DLGAP1: variants seen among roughly 807,000 people sequenced by gnomAD.
DLGAP1 encodes the protein DLG associated protein 1, also known as disks large-associated protein 1.
A neutral mutation model predicts 90.8 loss-of-function variants in DLGAP1; 11 were observed. The observed-to-expected ratio is 0.12, with a 90% confidence interval of 0.08 to 0.20. The LOEUF (loss-of-function observed/expected upper bound fraction) is 0.20, where lower values mean the gene tolerates loss of function less well. Ranked by LOEUF, DLGAP1 falls within the 10% of genes least tolerant of loss-of-function variation. The pLI is 1.00. For synonymous variants in DLGAP1, 558 were observed against 540.7 expected (o/e 1.03, Z -0.44); for missense variants, 1,050 against 1,333.8 (o/e 0.79, Z 3.31).
chr18:4,431,552 T>C (rs1412791279), intron 1 of DLGAP1, among the ~76,000 whole-genome samples: 1 of 152,200 alleles, frequency 6.6e-6, no homozygotes, highest in East Asian at 1.9e-4. Context: ...TAATTAAGAA[T>C]GTAATAGTCA....
chr18:3,752,403 T>C (rs1433862208), intron 5 of DLGAP1, among the ~76,000 whole-genome samples: 1 of 152,144 alleles, frequency 6.6e-6, no homozygotes, highest in Non-Finnish European at 1.5e-5. Context: ...CTTGTCTCTA[T>C]GCCTTTGCCT....
chr18:4,413,625 C>T lies in DLGAP1; in HGVS notation c.-267+41381G>A, dbSNP rs148768833. 3.2e-3 allele frequency among the ~76,000 whole-genome samples: 489 copies of T among 152,272 alleles called. 4 individuals carry two copies. Among genetic ancestry groups the T allele is most frequent in the African/African-American group, 0.011 (461 of 41,552 alleles). On this transcript the variant is annotated intron_variant, in intron 1 of 12. Coordinates refer to ENST00000315677, the MANE Select transcript of DLGAP1 (RefSeq NM_004746.4). ...GTTAATCTTAGTCAGAAACCAAACA[C>T]AAAAGGACACACACAGTATAATCAT...
At chr18:4,260,414 G>GT (rs1180585447) in intron 1 of DLGAP1, among the ~76,000 whole-genome samples, 1 of 152,102 alleles carries the variant, frequency 6.6e-6, no homozygotes, top group Non-Finnish European at 1.5e-5. Context: ...TCAGCCTTAA[G>GT]TTTCATTTTT....
intron 9 of DLGAP1, among the ~76,000 whole-genome samples, chr18:3,557,256 T>C (rs1599223339): frequency 1.3e-5 from 2 of 152,312 alleles, no homozygotes; most frequent in Non-Finnish European, 2.9e-5. Flanking sequence ...GTGCGGTGGC[T>C]CACGCCTGTA....
At chr18:4,104,848 T>C (rs1325807647) in intron 2 of DLGAP1, among the ~76,000 whole-genome samples, 2 of 152,234 alleles carry the variant, frequency 1.3e-5, no homozygotes, top group African/African-American at 4.8e-5. Context: ...CAAGTCTTTA[T>C]AGTTCTGTCA....
intron 1 of DLGAP1, among the ~76,000 whole-genome samples, chr18:4,360,359 G>A (rs1365729856): frequency 6.6e-6 from 1 of 152,260 alleles, no homozygotes; most frequent in Non-Finnish European, 1.5e-5. Flanking sequence ...CAAAGCAAAA[G>A]GAGTGTCTAG....
At chr18:3,980,698 TACTG>T (rs2073708677) in intron 3 of DLGAP1, among the ~76,000 whole-genome samples, 1 of 152,208 alleles carries the variant, frequency 6.6e-6, no homozygotes, top group South Asian at 2.1e-4. Flanking sequence ...ATATGCTTAT[TACTG>T]ACCATTTTTG....
In DLGAP1 at chr18:4,226,625, C is replaced by T. The variant is rs2078193344; in HGVS notation, c.-266-75338G>A. 2.7e-5 allele frequency among the ~76,000 whole-genome samples: 4 copies of T among 146,650 alleles called. No individual in the cohort carries two copies. In the South Asian group the frequency reaches 8.7e-4, roughly 32 times the overall value. On this transcript the variant is annotated intron_variant, in intron 1 of 12. Transcript: ENST00000315677. ...TTTGTTTATATAATCAGTGTTAAGA[C>T]ATTATCTGTTTAAACTAGTGTATTA...
intron 1 of DLGAP1, among the ~76,000 whole-genome samples, chr18:4,273,847 A>G (rs1282712300): frequency 2.0e-5 from 3 of 152,184 alleles, no homozygotes; most frequent in Non-Finnish European, 2.9e-5. Flanking sequence ...TTGTAAAATC[A>G]CTGGTAACAT....
intron 1 of DLGAP1, among the ~76,000 whole-genome samples, chr18:4,220,930 CTATGTTTAGA>C (rs1198280007): frequency 1.3e-5 from 2 of 152,002 alleles, no homozygotes; most frequent in African/African-American, 2.4e-5. Context: ...TGTGCTTTTT[CTATGTTTAGA>C]TATGTTTAGA....
intron 1 of DLGAP1, among the ~76,000 whole-genome samples, chr18:4,428,577 G>A (rs1294211473): frequency 2.0e-5 from 3 of 151,830 alleles, no homozygotes; most frequent in African/African-American, 4.8e-5. Flanking sequence ...GTGAGACTCT[G>A]TTTTAAAAAA....
chr18:3,633,071 A>C (rs1321236407), intron 7 of DLGAP1, among the ~76,000 whole-genome samples: 3 of 152,188 alleles, frequency 2.0e-5, no homozygotes, highest in Non-Finnish European at 4.4e-5. Flanking sequence ...TTTGGGCTTT[A>C]AAGTCTGCTT....
chr18:3,940,997 C>T (rs1042109544), intron 3 of DLGAP1, among the ~76,000 whole-genome samples: 20 of 152,276 alleles, frequency 1.3e-4, no homozygotes, highest in African/African-American at 3.6e-4. Flanking sequence ...GTCTATTGAG[C>T]AGCTCGGTGG....
chr18:3,845,428 A>G (rs865897456), intron 4 of DLGAP1: 31 of 1,355,840 alleles, frequency 2.3e-5, no homozygotes, highest in Middle Eastern at 1.9e-4. Flanking sequence ...TCACAACTCA[A>G]GATTTGCAAC....
intron 1 of DLGAP1, among the ~76,000 whole-genome samples, chr18:4,354,769 G>C (rs1251853914): frequency 6.6e-6 from 1 of 151,360 alleles, no homozygotes; most frequent in Non-Finnish European, 1.5e-5. Context: ...GTATATACAT[G>C]TCTCAACAGC....
At chr18:4,030,080 C>T (rs956853552) in intron 2 of DLGAP1, among the ~76,000 whole-genome samples, 10 of 152,136 alleles carry the variant, frequency 6.6e-5, no homozygotes, top group Non-Finnish European at 1.3e-4. Flanking sequence ...GCAATGTCCA[C>T]CTCCTGGATT....
intron 7 of DLGAP1, among the ~76,000 whole-genome samples, chr18:3,615,943 C>A (rs969526300): frequency 5.9e-5 from 9 of 152,126 alleles, no homozygotes; most frequent in African/African-American, 2.2e-4. Flanking sequence ...GGCCTTAACT[C>A]CGAGGGATAT....
intron 1 of DLGAP1, among the ~76,000 whole-genome samples, chr18:4,428,719 T>C (rs111687374): frequency 0.015 from 2,262 of 152,292 alleles, 55 homozygotes; most frequent in African/African-American, 0.049. Flanking sequence ...CCATGCTTCC[T>C]GTACAGCTGT....
In DLGAP1 at chr18:4,206,271, A is replaced by G. The variant is rs372254165; in HGVS notation, c.-266-54984T>C. 1.4e-4 allele frequency among the ~76,000 whole-genome samples: 21 copies of G among 152,200 alleles called. 5 individuals carry two copies. Among genetic ancestry groups the G allele is most frequent in the East Asian group, 3.9e-4 (2 of 5,182 alleles). On this transcript the variant is annotated intron_variant, in intron 1 of 12. Transcript: ENST00000315677. ...CTTCCTTTCTCAACTGCCCCAAACAAGCATTGTGAGTTTCTCATGATTCCG... is the reference window on the plus strand; with the variant it reads ...CTTCCTTTCTCAACTGCCCCAAACAGGCATTGTGAGTTTCTCATGATTCCG...
Sources: allele counts gnomAD v4.1 joint callset (sites outside exome capture counted in the v4.1 genomes callset), GRCh38; gene constraint gnomAD v4.1.1; transcripts MANE v1.5; gene names NCBI Gene and HGNC (gene_info 2026-07-23, HGNC 2026-07-21).